The following SCN11A variants were observed in gnomAD, a reference collection of about 807,000 sequenced individuals.
SCN11A encodes sodium voltage-gated channel alpha subunit 11.
A neutral mutation model predicts 162.2 loss-of-function variants in SCN11A; 122 were observed. That is an observed-to-expected ratio of 0.75 (90% CI 0.65 to 0.87). The LOEUF (loss-of-function observed/expected upper bound fraction) is 0.87, where lower values mean the gene tolerates loss of function less well. Ranked by LOEUF, SCN11A falls within the 40% of genes least tolerant of loss-of-function variation. The pLI, the probability that SCN11A is intolerant of heterozygous loss-of-function variation, is 0.00. For synonymous variants in SCN11A, 758 were observed against 751.5 expected (o/e 1.01, Z -0.14); for missense variants, 2,015 against 2,181.6 (o/e 0.92, Z 1.52).
At chr3:39,051,065 G>C (rs1322234685) in intron 1 of SCN11A, among the ~76,000 whole-genome samples, 1 of 151,790 alleles carries the variant, frequency 6.6e-6, no homozygotes, top group South Asian at 2.1e-4. Flanking sequence ...ATTGTCTCTG[G>C]GAACAATTTT....
chr3:39,006,349 C>G (rs981609259), intron 2 of SCN11A, among the ~76,000 whole-genome samples: 1 of 152,172 alleles, frequency 6.6e-6, no homozygotes, highest in African/African-American at 2.4e-5. Flanking sequence ...GAGAATCTGA[C>G]CAGCCCAAGA....
intron 7 of SCN11A, 126 bp from the exon 8 acceptor site, chr3:38,927,057 CA>C: frequency 1.1e-6 from 1 of 896,952 alleles, no homozygotes; most frequent in Non-Finnish European, 1.7e-6. Context: ...TTCTGGTCTT[CA>C]GCAAACCAGA....
chr3:39,045,780 A>C (rs946467530), intron 1 of SCN11A, among the ~76,000 whole-genome samples: 1 of 152,206 alleles, frequency 6.6e-6, no homozygotes, highest in African/African-American at 2.4e-5. Flanking sequence ...CATAGTATGG[A>C]GAATGCTAGC....
chr3:39,029,958 A>G (rs2031705844), intron 2 of SCN11A, among the ~76,000 whole-genome samples: 1 of 152,242 alleles, frequency 6.6e-6, no homozygotes, highest in African/African-American at 2.4e-5. Context: ...TTGTTCAGAC[A>G]TTAGAGTATA....
chr3:38,940,992 A>C (rs2066435219), intron 7 of SCN11A, among the ~76,000 whole-genome samples: 1 of 152,224 alleles, frequency 6.6e-6, no homozygotes, highest in African/African-American at 2.4e-5. Flanking sequence ...AAGGAGGCAG[A>C]AACTGGGGCA....
chr3:38,951,704 T>C (rs992546863), intron 4 of SCN11A, among the ~76,000 whole-genome samples: 1 of 152,188 alleles, frequency 6.6e-6, no homozygotes. Flanking sequence ...TCAGGGTTTG[T>C]GAGTGCACCA....
At chr3:39,032,735 TA>T (rs2031791872) in intron 1 of SCN11A, among the ~76,000 whole-genome samples, 1 of 152,334 alleles carries the variant, frequency 6.6e-6, no homozygotes, top group South Asian at 2.1e-4. Flanking sequence ...AAATAATACC[TA>T]AAATATATTG....
At chr3:38,958,375 T>G (rs958390291) in intron 3 of SCN11A, among the ~76,000 whole-genome samples, 1 of 152,234 alleles carries the variant, frequency 6.6e-6, no homozygotes, top group African/African-American at 2.4e-5. Context: ...CCCTTGCCTC[T>G]TCTGATGTGG....
chr3:39,017,305 T>C lies in SCN11A; in HGVS notation c.-280+15075A>G, dbSNP rs956650754. ...TCCAGAACCCTGAAAAATGAATGTT[T>C]GTTGTTTATGCCACCTAGTCTATGG... On this transcript the variant is annotated intron_variant, in intron 2 of 29. Transcript: ENST00000302328. Among the ~76,000 whole-genome samples, 4 of 152,276 alleles carry C rather than the reference T, an allele frequency of 2.6e-5. No individual in the cohort carries two copies. In the East Asian group the frequency reaches 7.7e-4, roughly 29 times the overall value.
intron 5 of SCN11A, among the ~76,000 whole-genome samples, chr3:38,948,946 C>T (rs2066558670): frequency 6.6e-6 from 1 of 152,220 alleles, no homozygotes; most frequent in African/African-American, 2.4e-5. Flanking sequence ...AGTGTTTTTG[C>T]TCCTTCAATT....
In SCN11A at chr3:38,845,917, A is replaced by G. The variant is rs2064652724; in HGVS notation, c.*777T>C. ...ATTAATGTTGGTAAAAAATGTCTGC[A>G]ATAAGCTATTCATTTATTGGCAAGT... is the stretch of plus-strand genomic sequence containing the variant. On this transcript the variant is annotated 3_prime_UTR_variant, in exon 30 of 30. Transcript: ENST00000302328. 2 of 152,244 alleles carry G rather than the reference A, an allele frequency of 1.3e-5. No homozygotes were observed. The highest frequency in any genetic ancestry group is 4.8e-5 in the African/African-American group (2 of 41,464). 9.4% of individuals were successfully genotyped at this position (152,244 alleles called of 1,614,324 possible).
chr3:38,974,777 T>C (rs1047572470), intron 2 of SCN11A, among the ~76,000 whole-genome samples: 1 of 128,944 alleles, frequency 7.8e-6, no homozygotes, highest in Non-Finnish European at 1.7e-5. Context: ...AAGGAAACAA[T>C]AGAAAAAAAT....
At chr3:38,977,878 T>C (rs2066858704) in intron 2 of SCN11A, among the ~76,000 whole-genome samples, 1 of 152,206 alleles carries the variant, frequency 6.6e-6, no homozygotes, top group South Asian at 2.1e-4. Flanking sequence ...CACCATCCCA[T>C]ATTAAATCTG....
intron 2 of SCN11A, among the ~76,000 whole-genome samples, chr3:38,978,616 A>T (rs972556077): frequency 1.3e-5 from 2 of 151,782 alleles, no homozygotes; most frequent in African/African-American, 4.9e-5. Flanking sequence ...ACTGCACTCC[A>T]GTCAGGATGA....
In SCN11A at chr3:38,950,146, G is replaced by A. The variant is rs1291471473; in HGVS notation, c.217C>T (p.Leu73Phe). The A allele has an allele frequency of 6.2e-7, 1 of 1,602,798 alleles. No individual in the cohort carries two copies. Among genetic ancestry groups the A allele is most frequent in the Admixed American group, 1.8e-5 (1 of 56,820 alleles). The stretch of plus-strand genomic sequence containing the variant: ...AAGTCTTCCAGAGGCTTTCCTATGA[G>A]CTCACGAGGAATGTCGCCATAGAGC... ...PKLYGDIPRE[L>F]IGKPLEDLDP... The change falls in exon 5 of 30, where the codon CTC (leucine) becomes TTC (phenylalanine). Residue 73 changes from leucine (L) to phenylalanine (F), a missense_variant. Physicochemically the swap from Leu to Phe is conservative, Grantham distance 22. Coordinates refer to ENST00000302328, the MANE Select transcript of SCN11A (RefSeq NM_001349253.2).
At chr3:38,899,621 T>C (rs2065662906) in intron 17 of SCN11A, among the ~76,000 whole-genome samples, 1 of 151,760 alleles carries the variant, frequency 6.6e-6, no homozygotes, top group Non-Finnish European at 1.5e-5. Flanking sequence ...AGGAACAGAG[T>C]CCTCACACTG....
At chr3:38,938,246 G>C (rs2066369095) in intron 7 of SCN11A, among the ~76,000 whole-genome samples, 1 of 151,834 alleles carries the variant, frequency 6.6e-6, no homozygotes, top group African/African-American at 2.4e-5. Flanking sequence ...GGGCGGAGTG[G>C]GGAGGGATAG....
Position 38,894,823 on chromosome 3 carries a change from T to C in SCN11A, c.2545A>G (p.Thr849Ala), listed in dbSNP as rs962404776. ...FRRAFCFVRH[T>A]LEHFCHKWCR... Reference sequence around the variant, plus strand: ...CACTTGTGACAGAAATGCTCAAGAGTGTGTCTCACAAAACAAAAAGCCCGG... The same window carrying C: ...CACTTGTGACAGAAATGCTCAAGAGCGTGTCTCACAAAACAAAAAGCCCGG... The change falls in exon 19 of 30, where the codon ACT (threonine) becomes GCT (alanine). Residue 849 changes from threonine to alanine, a missense_variant. Physicochemically the swap from Thr to Ala is moderately conservative, Grantham distance 58 (BLOSUM62 0). Transcript: ENST00000302328. The C allele has an allele frequency of 1.2e-6, 2 of 1,614,148 alleles. No homozygotes were observed. Among genetic ancestry groups the C allele is most frequent in the Non-Finnish European group, 8.5e-7 (1 of 1,180,020 alleles).
chr3:38,927,831 C>A (rs562133335), intron 7 of SCN11A, among the ~76,000 whole-genome samples: 1 of 152,268 alleles, frequency 6.6e-6, no homozygotes, highest in African/African-American at 2.4e-5. Flanking sequence ...CAATTATCTC[C>A]CACCAGGGCC....
Sources: gnomAD v4.1 joint callset for allele counts (sites outside exome capture counted in the v4.1 genomes callset) on GRCh38, gnomAD v4.1.1 for gene constraint, MANE v1.5 for transcripts, NCBI Gene and HGNC (gene_info 2026-07-23, HGNC 2026-07-21) for gene names.